The following LGSN variants were observed in gnomAD, a reference collection of about 807,000 sequenced individuals.
The protein encoded by LGSN is lengsin, lens protein with glutamine synthetase domain, also known as lengsin.
A neutral mutation model predicts 19.5 loss-of-function variants in LGSN; 21 were observed. The ratio of observed to expected loss-of-function variants is 1.07; its 90% CI spans 0.76 to 1.55. The LOEUF is 1.55. Ranked by LOEUF, LGSN falls within the 40% of genes most tolerant of loss-of-function variation. LGSN has a pLI of 0.00. For missense variants in LGSN, 673 were observed against 608.5 expected (o/e 1.11, Z -1.12); for synonymous variants, 257 against 215.6 (o/e 1.19, Z -1.68).
At chr6:63,426,209 G>T in the LGSN span, among the ~76,000 whole-genome samples, 2 of 152,104 alleles carry the variant, frequency 1.3e-5, no homozygotes, top group African/African-American at 4.8e-5. Context: ...TTTCATAAAA[G>T]ATATTAACTT....
intron 2 of LGSN, 127 bp downstream of exon 2, chr6:63,294,786 T>C (rs1423211932): frequency 2.3e-6 from 2 of 880,856 alleles, no homozygotes; most frequent in East Asian, 4.9e-5. Flanking sequence ...GACACTTATG[T>C]AGGAATAACT....
At chr6:63,286,013 C>A (rs973925583) in intron 2 of LGSN, among the ~76,000 whole-genome samples, 1 of 151,932 alleles carries the variant, frequency 6.6e-6, no homozygotes, top group Non-Finnish European at 1.5e-5. Context: ...AAGGATATAG[C>A]GATATCATAC....
chr6:63,480,940 G>GATATATATATAT, the LGSN span, among the ~76,000 whole-genome samples: 6 of 59,890 alleles, frequency 1.0e-4, no homozygotes, highest in African/African-American at 1.8e-4. Context: ...TAAAGAAAAT[G>GATATATATATAT]ATATATATAT....
chr6:63,422,622 T>C, the LGSN span, among the ~76,000 whole-genome samples: 8 of 152,182 alleles, frequency 5.3e-5, no homozygotes, highest in Admixed American at 5.2e-4. Context: ...GTTATGTATA[T>C]ATAACATATT....
At chr6:63,524,118 G>T in the LGSN span, among the ~76,000 whole-genome samples, 4 of 151,954 alleles carry the variant, frequency 2.6e-5, no homozygotes, top group African/African-American at 9.7e-5. Flanking sequence ...CTAAGTAGCT[G>T]GGACTACAGG....
At chr6:63,374,197 T>G in the LGSN span, among the ~76,000 whole-genome samples, 2 of 152,194 alleles carry the variant, frequency 1.3e-5, no homozygotes, top group Non-Finnish European at 2.9e-5. Flanking sequence ...ATATATTACT[T>G]AGATACAGAT....
chr6:63,471,483 T>C, the LGSN span, among the ~76,000 whole-genome samples: 1 of 151,754 alleles, frequency 6.6e-6, no homozygotes, highest in Non-Finnish European at 1.5e-5. Flanking sequence ...CTGGCCAACA[T>C]GGTGAAACCC....
the LGSN span, among the ~76,000 whole-genome samples, chr6:63,420,304 T>C: frequency 4.6e-3 from 707 of 152,344 alleles, 3 homozygotes; most frequent in African/African-American, 0.015. Context: ...AGCCTTTTGT[T>C]TGGCAGTGAG....
the LGSN span, chr6:63,548,752 G>GC: frequency 1.4e-6 from 1 of 691,096 alleles, no homozygotes; most frequent in Non-Finnish European, 2.6e-6. Flanking sequence ...GCCTTTTCGA[G>GC]CTTGCCAATG....
At chr6:63,494,190 T>C in the LGSN span, among the ~76,000 whole-genome samples, 1 of 152,076 alleles carries the variant, frequency 6.6e-6, no homozygotes, top group African/African-American at 2.4e-5. Context: ...CCTCAGGTGA[T>C]CCGCCCGCCT....
the LGSN span, among the ~76,000 whole-genome samples, chr6:63,416,582 T>G: frequency 9.9e-5 from 15 of 152,156 alleles, no homozygotes; most frequent in Non-Finnish European, 2.1e-4. Flanking sequence ...TGTTGTTGTT[T>G]TTGTTTTTTT....
At chr6:63,412,719 GA>G in the LGSN span, among the ~76,000 whole-genome samples, 1 of 6,480 alleles carries the variant, frequency 1.5e-4, no homozygotes, top group African/African-American at 1.0e-3. Flanking sequence ...GGGAAGGAAG[GA>G]AAGAAAGAAA....
At chr6:63,416,275 T>C in the LGSN span, among the ~76,000 whole-genome samples, 60,771 of 151,976 alleles carry the variant, frequency 0.4, 14,908 homozygotes, top group East Asian at 0.52. Context: ...CATGTTTGAA[T>C]TAAGCATTCC....
chr6:63,532,074 C>T, the LGSN span, among the ~76,000 whole-genome samples: 8 of 152,198 alleles, frequency 5.3e-5, no homozygotes, highest in Non-Finnish European at 1.2e-4. Context: ...GCTGGGATTA[C>T]AGGCGTGAGC....
chr6:63,373,380 C>T, the LGSN span, among the ~76,000 whole-genome samples: 18,423 of 152,102 alleles, frequency 0.12, 2,452 homozygotes, highest in African/African-American at 0.33. Context: ...AGTGATAAGA[C>T]AAAATGACAT....
At chr6:63,453,306 T>C in the LGSN span, among the ~76,000 whole-genome samples, 1 of 152,208 alleles carries the variant, frequency 6.6e-6, no homozygotes, top group Non-Finnish European at 1.5e-5. Flanking sequence ...CAGATCATGT[T>C]GGTTGTCTTC....
chr6:63,423,237 T>G, the LGSN span, among the ~76,000 whole-genome samples: 1 of 152,138 alleles, frequency 6.6e-6, no homozygotes, highest in Non-Finnish European at 1.5e-5. Flanking sequence ...ACCCAGCTAC[T>G]CAGTAGGCTG....
At chr6:63,342,509 T>G in the LGSN span, among the ~76,000 whole-genome samples, 15 of 152,190 alleles carry the variant, frequency 9.9e-5, no homozygotes, top group Non-Finnish European at 1.5e-4. Context: ...TAGTACACAT[T>G]AAATAGTTAT....
rs545362652 is a variant in LGSN, at chr6:63,287,926, T to C, written c.164-2173A>G. On this transcript the variant is annotated intron_variant, in intron 2 of 3. Transcript: ENST00000370657. ...AATACATATTATTTTAAAATAAGAATAATATTTGGCTGGGTGCAGTGGCTC... is the reference window on the plus strand; with the variant it reads ...AATACATATTATTTTAAAATAAGAACAATATTTGGCTGGGTGCAGTGGCTC... Among the ~76,000 whole-genome samples, 7 of 152,148 alleles carry C rather than the reference T, an allele frequency of 4.6e-5. No homozygotes were observed. The East Asian group carries it at 1.2e-3, about 25-fold the overall frequency.
Sources: allele counts gnomAD v4.1 joint callset (sites outside exome capture counted in the v4.1 genomes callset), GRCh38; gene constraint gnomAD v4.1.1; transcripts MANE v1.5; gene names NCBI Gene and HGNC (gene_info 2026-07-23, HGNC 2026-07-21).